The following SFI1 variants were observed in gnomAD, a reference collection of about 807,000 sequenced individuals.
SFI1 encodes the protein SFI1 centrin binding protein.
SFI1 carries 195 observed loss-of-function variants against 207.5 expected under a neutral mutation model. The observed-to-expected ratio is 0.94, with a 90% CI of 0.84 to 1.06. The LOEUF (loss-of-function observed/expected upper bound fraction) is 1.06, where lower values mean the gene tolerates loss of function less well. SFI1 is among the 50% of genes least tolerant of loss of function. The pLI is 0.00. For missense variants in SFI1, 1,634 were observed against 1,588.0 expected (o/e 1.03, Z -0.49); for synonymous variants, 630 against 598.9 (o/e 1.05, Z -0.76).
At chr22:31,525,127 T>G (rs993010557) in intron 2 of SFI1, among the ~76,000 whole-genome samples, 9 of 152,172 alleles carry the variant, frequency 5.9e-5, no homozygotes, top group African/African-American at 2.2e-4. Context: ...CTTTTTACTC[T>G]GTTGATTGTT....
intron 24 of SFI1, 200 bp from the exon 25 acceptor site, chr22:31,612,942 A>C (rs947529299): frequency 3.5e-6 from 2 of 578,316 alleles, no homozygotes; most frequent in Non-Finnish European, 6.1e-6. Context: ...ACCTTCTTTC[A>C]TGAAGGTCAT....
At chr22:31,544,596 T>C (rs1373069705) in intron 4 of SFI1, among the ~76,000 whole-genome samples, 1 of 151,770 alleles carries the variant, frequency 6.6e-6, no homozygotes, top group African/African-American at 2.4e-5. Flanking sequence ...CTACAAAAAA[T>C]AAAAAATTAG....
intron 15 of SFI1, among the ~76,000 whole-genome samples, chr22:31,598,716 C>CGTTTTTTTTT (rs2067572351): frequency 3.7e-5 from 1 of 26,882 alleles, no homozygotes; most frequent in Non-Finnish European, 6.8e-5. Context: ...TGCGCCTGGC[C>CGTTTTTTTTT]TTTTTTTTTT....
rs1370183815 is a variant in SFI1 at position 31,568,214 on chromosome 22, A to G, written c.766-4844A>G. On this transcript the variant is annotated intron_variant, in intron 8 of 32. Coordinates refer to ENST00000400288, the MANE Select transcript of SFI1 (RefSeq NM_001007467.3). ...GTGTGTTGTGTGTGTGTGTGTGTATATATATATATATATTTTTTTTTTTTT... is the reference window on the plus strand; with the variant it reads ...GTGTGTTGTGTGTGTGTGTGTGTATGTATATATATATATTTTTTTTTTTTT... 3.2e-3 allele frequency among the ~76,000 whole-genome samples: 354 copies of G among 111,192 alleles called. 1 individual carries two copies. Among genetic ancestry groups the G allele is most frequent in the Middle Eastern group, 0.012 (3 of 248 alleles). 72.9% of individuals were successfully genotyped at this position (111,192 alleles called of 152,430 possible). A position where few individuals can be genotyped will look rare whatever the true frequency, so the allele number is the denominator to read the frequency against.
At chr22:31,510,497 G>GA (rs2055336486) in intron 2 of SFI1, among the ~76,000 whole-genome samples, 1 of 151,994 alleles carries the variant, frequency 6.6e-6, no homozygotes, top group Non-Finnish European at 1.5e-5. Context: ...ACGGTGGTGT[G>GA]ATCTCAGCTC....
chr22:31,511,715 G>A (rs984580101), intron 2 of SFI1, among the ~76,000 whole-genome samples: 1 of 151,988 alleles, frequency 6.6e-6, no homozygotes, highest in African/African-American at 2.4e-5. Context: ...GTGCAATGGC[G>A]TGATCTTGGC....
chr22:31,565,508 G>GT (rs2062198862), intron 8 of SFI1, among the ~76,000 whole-genome samples: 3 of 147,178 alleles, frequency 2.0e-5, no homozygotes, highest in Non-Finnish European at 3.0e-5. Context: ...ACCAGACTAG[G>GT]CAACATAGTG....
chr22:31,613,072 C>T (rs2070664703), intron 24 of SFI1, 70 bp from the exon 25 acceptor site: 2 of 1,529,442 alleles, frequency 1.3e-6, no homozygotes, highest in South Asian at 1.2e-5. Flanking sequence ...ACGAGCTGGG[C>T]AGGGCCCCGT....
Position 31,613,539 on chromosome 22 carries a change from A to G in SFI1, c.2742+9A>G. The G allele has an allele frequency of 6.3e-7, 1 of 1,584,128 alleles. No homozygotes were observed. Among genetic ancestry groups the G allele is most frequent in the Non-Finnish European group, 8.6e-7 (1 of 1,167,100 alleles). ...CCCAGCAGCAGGTCCAGGTAGGCCC[A>G]GGGCCCCTTCCTGTGGGGAGCAGGC... On this transcript the variant is annotated intron_variant, in intron 26 of 32. Transcript: ENST00000400288.
At chr22:31,614,315 T>C in intron 27 of SFI1, 1 of 344,480 alleles carries the variant, frequency 2.9e-6, no homozygotes, top group Non-Finnish European at 5.7e-6. Context: ...CCTACTATGG[T>C]CTCCTCAAAC....
At position 31,616,778 on chromosome 22, in the gene SFI1, C is replaced by A; in HGVS notation, c.3334C>A (p.Pro1112Thr). 6.3e-7 allele frequency: 1 copy of A among 1,588,240 alleles called. No individual in the cohort carries two copies. The highest frequency in any genetic ancestry group is 1.2e-5 in the South Asian group (1 of 86,744). ...ACAGCGGGCTACTCCTAGGGATAAG[C>A]CCCCGGTCCCCTCATCCCTGGCCAG... ...SAQRATPRDK[P>T]PVPSSLASVP... The change falls in exon 30 of 33, where the codon CCC (proline) becomes ACC (threonine). Residue 1112 changes from proline to threonine, a missense_variant. Physicochemically the swap from Pro to Thr is conservative, Grantham distance 38 (BLOSUM62 -1). Coordinates refer to ENST00000400288, the MANE Select transcript of SFI1 (RefSeq NM_001007467.3).
intron 2 of SFI1, among the ~76,000 whole-genome samples, chr22:31,513,983 A>T (rs896376782): frequency 6.6e-6 from 1 of 151,792 alleles, no homozygotes; most frequent in African/African-American, 2.4e-5. Flanking sequence ...AAAATACAAA[A>T]ATTAGTCTGG....
At chr22:31,524,957 G>C (rs148383471) in intron 2 of SFI1, among the ~76,000 whole-genome samples, 51 of 151,946 alleles carry the variant, frequency 3.4e-4, no homozygotes, top group African/African-American at 1.2e-3. Context: ...ACCACGCCCA[G>C]CTAATTTTGT....
At chr22:31,530,505 A>AAAAAAAAAAAAAAAAAC in intron 3 of SFI1, 2 of 310,118 alleles carry the variant, frequency 6.4e-6, no homozygotes, top group Non-Finnish European at 1.3e-5. Context: ...AAAAAAAAAA[A>AAAAAAAAAAAAAAAAAC]AAAAAAAAGA....
At chr22:31,530,815 T>C (rs2058447159) in intron 3 of SFI1, 1 of 515,422 alleles carries the variant, frequency 1.9e-6, no homozygotes, top group Admixed American at 3.3e-5. Context: ...TTGAAGTTTT[T>C]AATCTCTTCA....
chr22:31,578,920 G>A lies in SFI1; in HGVS notation c.1155+468G>A, dbSNP rs1332891955. Among the ~76,000 whole-genome samples, 6 of 152,136 alleles carry A rather than the reference G, an allele frequency of 3.9e-5. No individual in the cohort carries two copies. In the South Asian group the frequency reaches 8.3e-4, roughly 21 times the overall value. The stretch of plus-strand genomic sequence containing the variant: ...AATCCAGTCTGATATCTTCACTTCT[G>A]TCTCAGAAAATTGAAGCCTAAGGCA... On this transcript the variant is annotated intron_variant, in intron 11 of 32. Coordinates refer to ENST00000400288, the MANE Select transcript of SFI1 (RefSeq NM_001007467.3).
chr22:31,575,194 T>A, intron 9 of SFI1, 37 bp from the exon 10 acceptor site: 1 of 1,555,172 alleles, frequency 6.4e-7, no homozygotes, highest in Non-Finnish European at 8.7e-7. Flanking sequence ...TCATCTAACC[T>A]TAGGGGAGTA....
intron 15 of SFI1, among the ~76,000 whole-genome samples, chr22:31,593,802 C>G (rs756737174): frequency 2.7e-5 from 4 of 148,862 alleles, no homozygotes; most frequent in African/African-American, 5.0e-5. Flanking sequence ...GAGACCGGCC[C>G]GGCCAACACA....
chr22:31,614,646 GCCCA>G, intron 27 of SFI1, 139 bp from the exon 28 acceptor site: 1 of 894,030 alleles, frequency 1.1e-6, no homozygotes, highest in Non-Finnish European at 1.8e-6. Flanking sequence ...TATGGCCCAG[GCCCA>G]CCCCAGCTTA....
Sources: allele counts gnomAD v4.1 joint callset (sites outside exome capture counted in the v4.1 genomes callset), GRCh38; gene constraint gnomAD v4.1.1; transcripts MANE v1.5; gene names NCBI Gene and HGNC (gene_info 2026-07-23, HGNC 2026-07-21).